Variants in OXCT1 observed in about 807,000 individuals in gnomAD.
OXCT1 encodes the protein 3-oxoacid CoA-transferase 1, also known as succinyl-CoA:3-ketoacid coenzyme A transferase 1, mitochondrial.
In OXCT1, 27 loss-of-function variants were observed where a neutral mutation model predicts 69.6. The ratio of observed to expected loss-of-function variants is 0.39; its 90% CI spans 0.29 to 0.54. The LOEUF (loss-of-function observed/expected upper bound fraction) is 0.54, where lower values mean the gene tolerates loss of function less well. Ranked by LOEUF, OXCT1 falls within the 20% of genes least tolerant of loss-of-function variation. OXCT1 has a pLI of 0.72. For synonymous variants in OXCT1, 202 were observed against 217.8 expected (o/e 0.93, Z 0.64); for missense variants, 437 against 650.2 (o/e 0.67, Z 3.57).
At chr5:41,844,985 A>G (rs1579862849) in intron 5 of OXCT1, among the ~76,000 whole-genome samples, 1 of 150,994 alleles carries the variant, frequency 6.6e-6, no homozygotes, top group Non-Finnish European at 1.5e-5. Flanking sequence ...AGCCACAGTG[A>G]TAGTTACAAA....
chr5:41,840,662 G>C (rs1653447740), intron 6 of OXCT1, 151 bp from the exon 7 acceptor site: 1 of 571,684 alleles, frequency 1.7e-6, no homozygotes, highest in African/African-American at 1.9e-5. Context: ...CATTAATAAA[G>C]TTTCATAAAT....
intron 7 of OXCT1, among the ~76,000 whole-genome samples, chr5:41,832,751 G>T (rs574157354): frequency 6.6e-6 from 1 of 152,046 alleles, no homozygotes; most frequent in Admixed American, 6.6e-5. Context: ...GAGGAAACAC[G>T]AAGAAATCCA....
chr5:41,740,663 C>A (rs1743116451), intron 15 of OXCT1, among the ~76,000 whole-genome samples: 1 of 152,240 alleles, frequency 6.6e-6, no homozygotes, highest in Non-Finnish European at 1.5e-5. Context: ...TCAAAACATT[C>A]TTCTCAGATA....
intron 5 of OXCT1, among the ~76,000 whole-genome samples, chr5:41,849,383 C>G (rs1455500295): frequency 6.6e-6 from 1 of 152,196 alleles, no homozygotes; most frequent in Non-Finnish European, 1.5e-5. Context: ...TAATGAAATA[C>G]TGGCCAGTGT....
intron 13 of OXCT1, among the ~76,000 whole-genome samples, chr5:41,779,965 A>G (rs1745315583): frequency 6.6e-6 from 1 of 152,198 alleles, no homozygotes; most frequent in African/African-American, 2.4e-5. Context: ...TTTTATAATA[A>G]GGACTGCAAA....
In OXCT1 at chr5:41,730,481, A is replaced by G. The variant is rs534070844; in HGVS notation, c.*1248T>C. The stretch of plus-strand genomic sequence containing the variant: ...ACATGAATAAGTTTGTATATTTAGG[A>G]CCAGAGGAATGATATATCGTACTGT... On this transcript the variant is annotated 3_prime_UTR_variant, in exon 17 of 17. Transcript: ENST00000196371. 1.3e-5 allele frequency: 2 copies of G among 152,344 alleles called. No individual in the cohort carries two copies. The highest frequency in any genetic ancestry group is 3.9e-4 in the East Asian group (2 of 5,192). 9.4% of individuals were successfully genotyped at this position (152,344 alleles called of 1,614,324 possible).
chr5:41,800,895 A>ATCTCC, intron 11 of OXCT1, 127 bp downstream of exon 11: 2 of 828,296 alleles, frequency 2.4e-6, no homozygotes, highest in Non-Finnish European at 4.2e-6. Flanking sequence ...AAAAAAGCTT[A>ATCTCC]TCTCTCCTCC....
chr5:41,780,241 G>A (rs1386769396), intron 13 of OXCT1, among the ~76,000 whole-genome samples: 3 of 152,092 alleles, frequency 2.0e-5, no homozygotes, highest in African/African-American at 4.8e-5. Flanking sequence ...GAAAAGGCAC[G>A]AGAATAACTT....
chr5:41,754,501 A>G (rs555712093), intron 14 of OXCT1, among the ~76,000 whole-genome samples: 1 of 152,114 alleles, frequency 6.6e-6, no homozygotes, highest in African/African-American at 2.4e-5. Context: ...ATATGCCTAT[A>G]TCAAAACATC....
chr5:41,854,295 T>C (rs1749327438), intron 3 of OXCT1, among the ~76,000 whole-genome samples: 2 of 152,252 alleles, frequency 1.3e-5, no homozygotes, highest in Non-Finnish European at 2.9e-5. Context: ...TGGCGCTCAA[T>C]TTATTCTTAG....
chr5:41,765,177 C>T lies in OXCT1; in HGVS notation c.1249-2977G>A, dbSNP rs192564018. 5.6e-4 allele frequency among the ~76,000 whole-genome samples: 86 copies of T among 152,280 alleles called. 1 individual carries two copies. The highest frequency in any genetic ancestry group is 7.4e-5 in the Non-Finnish European group (5 of 68,012). ...TTAGCTAGGCATTCTTTTGGGTCCC[C>T]ACCACTTGCATCTCCCAGATCTCTA... On this transcript the variant is annotated intron_variant, in intron 13 of 16. Coordinates refer to ENST00000196371, the MANE Select transcript of OXCT1 (RefSeq NM_000436.4).
intron 13 of OXCT1, among the ~76,000 whole-genome samples, chr5:41,789,661 T>C (rs1745818686): frequency 6.6e-6 from 1 of 152,230 alleles, no homozygotes; most frequent in Non-Finnish European, 1.5e-5. Flanking sequence ...GCATTACTAA[T>C]TGTAAAAGTT....
intron 13 of OXCT1, among the ~76,000 whole-genome samples, chr5:41,791,416 G>A (rs867595197): frequency 7.2e-5 from 11 of 152,222 alleles, no homozygotes; most frequent in South Asian, 6.2e-4. Context: ...AAGTTATATT[G>A]AGAAAAGTAT....
intron 3 of OXCT1, among the ~76,000 whole-genome samples, chr5:41,853,899 G>A (rs559390656): frequency 1.3e-5 from 2 of 152,242 alleles, no homozygotes; most frequent in South Asian, 4.1e-4. Flanking sequence ...CGGCTGCAGA[G>A]TGATTCTGAG....
At position 41,753,499 on chromosome 5, in the gene OXCT1, C is replaced by T. The variant is rs183978270; in HGVS notation, c.1339-3892G>A. Among the ~76,000 whole-genome samples the T allele has an allele frequency of 2.8e-3, 424 of 152,206 alleles. 6 individuals are homozygous for T. The highest frequency in any genetic ancestry group is 0.026 in the Admixed American group (399 of 15,268). On this transcript the variant is annotated intron_variant, in intron 14 of 16. Coordinates refer to ENST00000196371, the MANE Select transcript of OXCT1 (RefSeq NM_000436.4). ...TAGCTGGAACACATACCACCACATA[C>T]CTCATCACCCCAGATTCAAACGGCA...
chr5:41,838,465 A>T (rs1341266662), intron 7 of OXCT1, among the ~76,000 whole-genome samples: 1 of 152,186 alleles, frequency 6.6e-6, no homozygotes, highest in Non-Finnish European at 1.5e-5. Flanking sequence ...TTCCTGTACT[A>T]GTATAACAGA....
At chr5:41,843,706 G>C (rs1259145055) in intron 5 of OXCT1, 1 of 346,328 alleles carries the variant, frequency 2.9e-6, no homozygotes, top group Non-Finnish European at 5.9e-6. Context: ...GCACCCCCTA[G>C]TGGAAAAACA....
chr5:41,858,868 T>C (rs568165360), intron 3 of OXCT1, among the ~76,000 whole-genome samples: 1 of 152,344 alleles, frequency 6.6e-6, no homozygotes, highest in South Asian at 2.1e-4. Context: ...AAATGCTTCA[T>C]TTAAATATAA....
At chr5:41,810,745 C>G (rs1011094877) in intron 7 of OXCT1, among the ~76,000 whole-genome samples, 1 of 152,016 alleles carries the variant, frequency 6.6e-6, no homozygotes, top group Non-Finnish European at 1.5e-5. Context: ...CATTATATCT[C>G]AGGTAAGAGA....
Sources: gnomAD v4.1 joint callset for allele counts (sites outside exome capture counted in the v4.1 genomes callset) on GRCh38, gnomAD v4.1.1 for gene constraint, MANE v1.5 for transcripts, NCBI Gene and HGNC (gene_info 2026-07-23, HGNC 2026-07-21) for gene names.